Variants in EPN2 observed in about 807,000 individuals in gnomAD.
EPN2 encodes the protein epsin-2.
Under a neutral mutation model 61.7 loss-of-function variants are expected in EPN2, and 34 were observed. That is an observed-to-expected ratio of 0.55 (90% CI 0.42 to 0.73). The LOEUF (loss-of-function observed/expected upper bound fraction) is 0.73. EPN2 is among the 30% of genes least tolerant of loss of function. The pLI is 0.00. For synonymous variants in EPN2, 349 were observed against 353.6 expected (o/e 0.99, Z 0.15); for missense variants, 714 against 839.2 (o/e 0.85, Z 1.84).
intron 1 of EPN2, among the ~76,000 whole-genome samples, chr17:19,256,823 C>G (rs940095738): frequency 2.0e-5 from 3 of 152,090 alleles, no homozygotes; most frequent in African/African-American, 7.2e-5. Flanking sequence ...ACACTTGGAG[C>G]CTGATTTGTG....
chr17:19,328,550 G>T (rs1393527533), intron 7 of EPN2, among the ~76,000 whole-genome samples, 161 bp from the exon 8 acceptor site: 1 of 152,050 alleles, frequency 6.6e-6, no homozygotes, highest in Non-Finnish European at 1.5e-5. Flanking sequence ...GGCCCCAGCT[G>T]TGTCCCTCTT....
chr17:19,302,022 G>T (rs1217544115), intron 4 of EPN2, among the ~76,000 whole-genome samples: 1 of 152,210 alleles, frequency 6.6e-6, no homozygotes, highest in African/African-American at 2.4e-5. Flanking sequence ...GCTGTGAGCC[G>T]CAGCCATTTA....
chr17:19,292,270 T>C (rs1311896850), intron 4 of EPN2, among the ~76,000 whole-genome samples: 1 of 151,886 alleles, frequency 6.6e-6, no homozygotes, highest in Non-Finnish European at 1.5e-5. Flanking sequence ...GGCTGAGAGG[T>C]GGTTGGTGGC....
chr17:19,241,584 CAAAA>C (rs767439856), intron 1 of EPN2, among the ~76,000 whole-genome samples: 13 of 60,094 alleles, frequency 2.2e-4, no homozygotes, highest in Admixed American at 1.3e-3. Flanking sequence ...GACTCTGTCT[CAAAA>C]AAAAAAAAAA....
At chr17:19,298,452 G>A (rs1006592759) in intron 4 of EPN2, among the ~76,000 whole-genome samples, 1 of 152,140 alleles carries the variant, frequency 6.6e-6, no homozygotes, top group Non-Finnish European at 1.5e-5. Context: ...CCACCTCAAG[G>A]TCAGCTTCCC....
At position 19,273,701 on chromosome 17, in the gene EPN2, C is replaced by T. The variant is rs570479535; in HGVS notation, c.-293-8254C>T. ...ATTTCTCTAACCAACAAGAAGTCATCAGAATATAGATGCCCACTTTCAGTT... is the reference window on the plus strand; with the variant it reads ...ATTTCTCTAACCAACAAGAAGTCATTAGAATATAGATGCCCACTTTCAGTT... On this transcript the variant is annotated intron_variant, in intron 1 of 10. Transcript: ENST00000314728. Among the ~76,000 whole-genome samples, 51 of 152,012 alleles carry T rather than the reference C, an allele frequency of 3.4e-4. 2 individuals are homozygous for T. The South Asian group carries it at 0.011, about 32-fold the overall frequency.
chr17:19,334,911 CTT>C lies in EPN2; in HGVS notation c.*663_*664del, dbSNP rs944925458. The C allele has an allele frequency of 1.3e-5, 2 of 153,888 alleles. No homozygotes were observed. Among genetic ancestry groups the C allele is most frequent in the African/African-American group, 4.8e-5 (2 of 41,420 alleles). The allele number at this position is 153,888 out of a possible 1,614,324, so 9.5% of individuals were successfully genotyped here. Reference sequence around the variant, plus strand: ...TGAGTTTGCAGAATTATCTAATAGTCTTTTTTTGGCTAATATTTTTATAACGT... The same window carrying C: ...TGAGTTTGCAGAATTATCTAATAGTCTTTTTGGCTAATATTTTTATAACGT... On this transcript the variant is annotated 3_prime_UTR_variant, in exon 11 of 11. Transcript: ENST00000314728. This position sits in a 1 kb window ranked among gnomAD's most constrained non-coding sequence, Gnocchi z 4.9.
chr17:19,334,256 G>A lies in EPN2; in HGVS notation c.*2G>A, dbSNP rs752173474. 2.8e-6 allele frequency: 4 copies of A among 1,445,424 alleles called. No individual in the cohort carries two copies. In the African/African-American group the frequency reaches 5.7e-5, roughly 21 times the overall value. 89.5% of individuals were successfully genotyped at this position (1,445,424 alleles called of 1,614,324 possible). ...ACAACCAACCCTTTCCTTCTCTAGT[G>A]CCTGGGCCTGGGACCCACCCAGAGC... On this transcript the variant is annotated 3_prime_UTR_variant, in exon 11 of 11. Transcript: ENST00000314728. The surrounding 1 kb of genome is among the most constrained non-coding windows in gnomAD (Gnocchi z 4.9).
chr17:19,240,601 C>T (rs2152196975), intron 1 of EPN2, among the ~76,000 whole-genome samples: 1 of 152,298 alleles, frequency 6.6e-6, no homozygotes, highest in South Asian at 2.1e-4. Context: ...TAGTTTGTAT[C>T]CCTTTTTTGT....
At chr17:19,248,298 T>C (rs951241925) in intron 1 of EPN2, 3 of 152,174 alleles carry the variant, frequency 2.0e-5, no homozygotes, top group African/African-American at 7.2e-5. Context: ...GTAGAAAGTT[T>C]AAACAAGGGA....
Position 19,331,951 on chromosome 17 carries a change from A to T in EPN2, c.1510A>T (p.Ser504Cys). 6 of 1,614,198 alleles carry T rather than the reference A, an allele frequency of 3.7e-6. No individual in the cohort carries two copies. Among genetic ancestry groups the T allele is most frequent in the Non-Finnish European group, 5.1e-6 (6 of 1,180,038 alleles). Residue 504 changes from serine (S) to cysteine (C), a missense_variant, in exon 10 of 11, where the codon AGT (serine) becomes TGT (cysteine). Ser to Cys is a moderately radical substitution (Grantham distance 112, BLOSUM62 -1). This residue lies in a region of EPN2 where 410 missense variants were observed against 421.8 expected (regional missense o/e 0.97). Coordinates refer to ENST00000314728, the MANE Select transcript of EPN2 (RefSeq NM_014964.5). The stretch of plus-strand genomic sequence containing the variant: ...GACTGTCGCCTCAAGCAAGCCCAGC[A>T]GTGCCCGGAAAACACCTGAGTCCTT... Reference protein sequence around the residue: ...PLTVASSKPSSARKTPESFLG... With the variant: ...PLTVASSKPSCARKTPESFLG...
At chr17:19,329,476 C>A in intron 8 of EPN2, 85 bp from the exon 9 acceptor site, 1 of 765,794 alleles carries the variant, frequency 1.3e-6, no homozygotes, top group East Asian at 2.7e-5. Context: ...TGTTGCCAGC[C>A]CATCCTGAGG....
intron 1 of EPN2, among the ~76,000 whole-genome samples, chr17:19,269,515 G>A (rs961618684): frequency 2.0e-5 from 3 of 152,230 alleles, no homozygotes; most frequent in Non-Finnish European, 4.4e-5. Flanking sequence ...GAGGATGTGA[G>A]TTCTGAAGAA....
rs1907365796 is a variant in EPN2, at chr17:19,335,459, A to G, written c.*1205A>G. The G allele has an allele frequency of 6.5e-7, 1 of 1,549,990 alleles. No homozygotes were observed. The highest frequency in any genetic ancestry group is 8.7e-7 in the Non-Finnish European group (1 of 1,146,704). The stretch of plus-strand genomic sequence containing the variant: ...ACAATGGAAATCTGAAATGGAAGAA[A>G]CATCTTTAACCTTGTGTGTCTGTGA... On this transcript the variant is annotated 3_prime_UTR_variant, in exon 11 of 11. Coordinates refer to ENST00000314728, the MANE Select transcript of EPN2 (RefSeq NM_014964.5).
chr17:19,323,806 A>G (rs1233279862), intron 7 of EPN2, among the ~76,000 whole-genome samples: 1 of 152,254 alleles, frequency 6.6e-6, no homozygotes, highest in African/African-American at 2.4e-5. Context: ...GTATTCAGTG[A>G]AAGTGTTCTT....
chr17:19,311,948 G>A (rs1482701856), intron 5 of EPN2, 104 bp from the exon 6 acceptor site: 1 of 775,156 alleles, frequency 1.3e-6, no homozygotes, highest in African/African-American at 1.7e-5. Flanking sequence ...ATCTTCCTTT[G>A]AAATACTGCA....
chr17:19,246,127 G>A (rs1366541237), intron 1 of EPN2, among the ~76,000 whole-genome samples: 5 of 152,094 alleles, frequency 3.3e-5, no homozygotes, highest in Non-Finnish European at 5.9e-5. Context: ...TTGGGAAGCC[G>A]AGGCAGGTGA....
At position 19,285,816 on chromosome 17, in the gene EPN2, T is replaced by G; in HGVS notation, c.766+26T>G. Reference sequence around the variant, plus strand: ...GTGGGACGGCGGTTTGCTTTTTTCCTTACTAGAAATGCTGGGCAGCTTGCT... The same window carrying G: ...GTGGGACGGCGGTTTGCTTTTTTCCGTACTAGAAATGCTGGGCAGCTTGCT... On this transcript the variant is annotated intron_variant, in intron 4 of 10. Transcript: ENST00000314728. The surrounding 1 kb of genome is among the most constrained non-coding windows in gnomAD (Gnocchi z 4.5). The G allele has an allele frequency of 6.5e-7, 1 of 1,540,580 alleles. No individual in the cohort carries two copies. The highest frequency in any genetic ancestry group is 1.2e-5 in the South Asian group (1 of 80,922).
intron 1 of EPN2, among the ~76,000 whole-genome samples, chr17:19,276,774 T>TTTTTCTTTTTTTTTC (rs1491180435): frequency 2.2e-4 from 8 of 36,674 alleles, no homozygotes; most frequent in African/African-American, 1.5e-3. Flanking sequence ...TGAGAATAAG[T>TTTTTCTTTTTTTTTC]TTTTTTTTTT....
Sources: allele counts gnomAD v4.1 joint callset (sites outside exome capture counted in the v4.1 genomes callset), GRCh38; gene constraint gnomAD v4.1.1; regional missense constraint gnomAD v4.1.1; non-coding constraint Gnocchi (gnomAD v3.1); transcripts MANE v1.5; gene names NCBI Gene and HGNC (gene_info 2026-07-23, HGNC 2026-07-21).